NT5DC1: variants seen among roughly 807,000 people sequenced by gnomAD.
The protein encoded by NT5DC1 is 5'-nucleotidase domain containing 1, also known as 5'-nucleotidase domain-containing protein 1.
NT5DC1 carries 42 observed loss-of-function variants against 59.4 expected under a neutral mutation model. That is an observed-to-expected ratio of 0.71 (90% CI 0.55 to 0.92). The LOEUF is 0.92. Among genes scored for constraint, NT5DC1 ranks in the 40% least tolerant of loss-of-function variants. NT5DC1 has a pLI of 0.00. For missense variants in NT5DC1, 501 were observed against 537.1 expected (o/e 0.93, Z 0.66); for synonymous variants, 172 against 188.1 (o/e 0.91, Z 0.70).
At chr6:116,148,308 C>T (rs572998690) in intron 6 of NT5DC1, among the ~76,000 whole-genome samples, 1 of 152,220 alleles carries the variant, frequency 6.6e-6, no homozygotes, top group South Asian at 2.1e-4. Flanking sequence ...CAAAACACAT[C>T]ATATTTTTAA....
intron 6 of NT5DC1, among the ~76,000 whole-genome samples, chr6:116,156,088 C>A (rs1308912432): frequency 6.6e-6 from 1 of 152,138 alleles, no homozygotes; most frequent in African/African-American, 2.4e-5. Context: ...ACTTAAAAAT[C>A]TTGAAGTTAT....
At chr6:116,138,400 G>T (rs1779676252) in intron 6 of NT5DC1, among the ~76,000 whole-genome samples, 2 of 152,146 alleles carry the variant, frequency 1.3e-5, no homozygotes, top group Admixed American at 1.3e-4. Flanking sequence ...GTTAAGATTT[G>T]TGTGAAAGTG....
intron 6 of NT5DC1, among the ~76,000 whole-genome samples, chr6:116,189,964 A>T (rs1181727949): frequency 6.6e-6 from 1 of 151,988 alleles, no homozygotes; most frequent in Non-Finnish European, 1.5e-5. Flanking sequence ...TTGTTCTTTT[A>T]CTAGTTTTCA....
chr6:116,241,323 A>AT (rs1306998959), intron 11 of NT5DC1, among the ~76,000 whole-genome samples: 1 of 152,318 alleles, frequency 6.6e-6, no homozygotes, highest in East Asian at 1.9e-4. Flanking sequence ...AAGTATATGA[A>AT]TAAAAAATGA....
rs778135685 is a variant in NT5DC1 at position 116,120,347 on chromosome 6, G to A, written c.529+2402G>A. On this transcript the variant is annotated intron_variant, in intron 6 of 11. Coordinates refer to ENST00000319550, the MANE Select transcript of NT5DC1 (RefSeq NM_152729.3). ...ATAGTATATTCCTGGTATCTGACAAGTAAAGATTCCAGTCCTTGGGTCATA... is the reference window on the plus strand; with the variant it reads ...ATAGTATATTCCTGGTATCTGACAAATAAAGATTCCAGTCCTTGGGTCATA... The A allele has an allele frequency of 1.2e-6, 2 of 1,614,212 alleles. No homozygotes were observed. The highest frequency in any genetic ancestry group is 1.3e-5 in the African/African-American group (1 of 75,048).
At chr6:116,182,222 A>AGAGAGAGAGTGTGTGTGTGTGTGT (rs148509481) in intron 6 of NT5DC1, among the ~76,000 whole-genome samples, 71 of 124,684 alleles carry the variant, frequency 5.7e-4, no homozygotes, top group South Asian at 2.6e-3. Context: ...TTCCATGGAG[A>AGAGAGAGAGTGTGTGTGTGTGTGT]GTGTGTGTGT....
chr6:116,218,886 C>A (rs1781739163), intron 6 of NT5DC1, among the ~76,000 whole-genome samples: 1 of 151,892 alleles, frequency 6.6e-6, no homozygotes, highest in Admixed American at 6.5e-5. Context: ...TAATAAATAA[C>A]CTTAATGTTT....
rs1771843411 is a variant in NT5DC1, at chr6:116,246,186, C to T, written c.*2162C>T. Reference sequence around the variant, plus strand: ...ATGGACAGAAGACATGTAATATTCGCATACAGGCAAACATTCATAATCTAA... The same window carrying T: ...ATGGACAGAAGACATGTAATATTCGTATACAGGCAAACATTCATAATCTAA... On this transcript the variant is annotated 3_prime_UTR_variant, in exon 12 of 12. Transcript: ENST00000319550. 6.6e-6 allele frequency: 1 copy of T among 152,028 alleles called. No individual in the cohort carries two copies. The highest frequency in any genetic ancestry group is 2.4e-5 in the African/African-American group (1 of 41,420). 9.4% of individuals were successfully genotyped at this position (152,028 alleles called of 1,614,324 possible).
intron 6 of NT5DC1, among the ~76,000 whole-genome samples, chr6:116,198,193 G>A (rs1357434477): frequency 6.6e-6 from 1 of 152,052 alleles, no homozygotes; most frequent in Non-Finnish European, 1.5e-5. Flanking sequence ...ACTGAGTAGT[G>A]AACAACAGTT....
At chr6:116,171,743 T>C (rs898787829) in intron 6 of NT5DC1, among the ~76,000 whole-genome samples, 2 of 152,338 alleles carry the variant, frequency 1.3e-5, no homozygotes, top group East Asian at 1.9e-4. Flanking sequence ...TTTTCTCCCA[T>C]GGTAAGAACA....
At chr6:116,153,382 G>C (rs1157166981) in intron 6 of NT5DC1, among the ~76,000 whole-genome samples, 2 of 152,086 alleles carry the variant, frequency 1.3e-5, no homozygotes, top group Non-Finnish European at 2.9e-5. Flanking sequence ...CTCGATTTTA[G>C]ATCTAATATC....
chr6:116,236,859 A>G, intron 8 of NT5DC1, 107 bp from the exon 9 acceptor site: 1 of 673,882 alleles, frequency 1.5e-6, no homozygotes, highest in Non-Finnish European at 2.7e-6. Context: ...CTTTCCCCAC[A>G]AGGTTCTTGT....
chr6:116,233,442 T>C (rs1782055376), intron 8 of NT5DC1, among the ~76,000 whole-genome samples: 1 of 152,200 alleles, frequency 6.6e-6, no homozygotes, highest in African/African-American at 2.4e-5. Flanking sequence ...GGAGGTTGGC[T>C]GAGGCTCCAT....
At chr6:116,121,411 A>G in intron 6 of NT5DC1, 1 of 1,612,708 alleles carries the variant, frequency 6.2e-7, no homozygotes, top group South Asian at 1.1e-5. Context: ...AACCTCTATC[A>G]CCTTTGATGC....
At chr6:116,105,183 C>T (rs1374989647) in intron 1 of NT5DC1, among the ~76,000 whole-genome samples, 1 of 152,172 alleles carries the variant, frequency 6.6e-6, no homozygotes, top group Non-Finnish European at 1.5e-5. Context: ...TCCTGACACT[C>T]AGACCCCGAC....
chr6:116,123,756 G>A (rs1779207761), intron 6 of NT5DC1, among the ~76,000 whole-genome samples: 1 of 152,220 alleles, frequency 6.6e-6, no homozygotes, highest in African/African-American at 2.4e-5. Context: ...GGATTTAGTA[G>A]TTTAAATACA....
chr6:116,187,527 G>A (rs1781026953), intron 6 of NT5DC1, among the ~76,000 whole-genome samples: 1 of 152,060 alleles, frequency 6.6e-6, no homozygotes, highest in Non-Finnish European at 1.5e-5. Context: ...CTGACAACTA[G>A]AAGATCACTG....
chr6:116,202,984 A>G (rs1435272757), intron 6 of NT5DC1, among the ~76,000 whole-genome samples: 4 of 152,000 alleles, frequency 2.6e-5, no homozygotes, highest in Non-Finnish European at 1.5e-5. Flanking sequence ...TTTTCCAAAC[A>G]TGGTTTTTCA....
intron 6 of NT5DC1, among the ~76,000 whole-genome samples, chr6:116,218,751 GT>G (rs1688336465): frequency 7.1e-6 from 1 of 141,002 alleles, no homozygotes; most frequent in South Asian, 2.2e-4. Context: ...CAAAAACTTT[GT>G]TTTTGTTTTT....
Sources: allele counts gnomAD v4.1 joint callset (sites outside exome capture counted in the v4.1 genomes callset), GRCh38; gene constraint gnomAD v4.1.1; transcripts MANE v1.5; gene names NCBI Gene and HGNC (gene_info 2026-07-23, HGNC 2026-07-21).